The following NRXN1 variants were observed in gnomAD, a reference collection of about 807,000 sequenced individuals.
NRXN1 encodes neurexin-1.
A neutral mutation model predicts 150.9 loss-of-function variants in NRXN1; 39 were observed. The ratio of observed to expected loss-of-function variants is 0.26; its 90% CI spans 0.20 to 0.34. NRXN1 has a LOEUF of 0.34. Ranked by LOEUF, NRXN1 falls within the 10% of genes least tolerant of loss-of-function variation. NRXN1 has a pLI of 1.00. For synonymous variants in NRXN1, 924 were observed against 757.0 expected, an observed-to-expected ratio of 1.22 and a Z score of -3.62; for missense variants, 1,815 against 1,949.9, an observed-to-expected ratio of 0.93 and a Z score of 1.30.
At chr2:50,501,077 G>T (rs999848434) in intron 13 of NRXN1, among the ~76,000 whole-genome samples, 2 of 152,108 alleles carry the variant, frequency 1.3e-5, no homozygotes, top group African/African-American at 4.8e-5. Flanking sequence ...GTATTGTGTT[G>T]GTAAATGTGA....
At chr2:50,156,249 A>T (rs903824466) in intron 18 of NRXN1, among the ~76,000 whole-genome samples, 25 of 151,966 alleles carry the variant, frequency 1.6e-4, no homozygotes, top group African/African-American at 5.5e-4. Context: ...GAGTAAAGGG[A>T]TCTCTCTCTA....
intron 2 of NRXN1, among the ~76,000 whole-genome samples, chr2:51,021,357 T>C (rs527958208): frequency 9.2e-5 from 14 of 152,064 alleles, no homozygotes; most frequent in African/African-American, 1.2e-4. Context: ...GGAAGGAGTA[T>C]AGAATGTGGT....
intron 19 of NRXN1, among the ~76,000 whole-genome samples, chr2:50,069,323 G>A (rs1371017366): frequency 6.6e-6 from 1 of 152,124 alleles, no homozygotes; most frequent in African/African-American, 2.4e-5. Context: ...AATGAGATTT[G>A]GGGACTGGAT....
At chr2:49,936,035 AT>A (rs1256016426) in intron 22 of NRXN1, among the ~76,000 whole-genome samples, 2 of 152,180 alleles carry the variant, frequency 1.3e-5, no homozygotes, top group Middle Eastern at 3.2e-3. Flanking sequence ...TGTGAAACCG[AT>A]TATTAATGCT....
At chr2:50,605,697 T>C (rs10183349) in intron 8 of NRXN1, among the ~76,000 whole-genome samples, 42,570 of 152,048 alleles carry the variant, frequency 0.28, 6,836 homozygotes, top group East Asian at 0.46. Context: ...TTAGTGAACA[T>C]GCAAAATGGT....
At chr2:50,993,377 A>G (rs1384793929) in intron 2 of NRXN1, among the ~76,000 whole-genome samples, 1 of 151,924 alleles carries the variant, frequency 6.6e-6, no homozygotes, top group Non-Finnish European at 1.5e-5. Context: ...TGAAAATTAT[A>G]GTACTTTTTT....
intron 5 of NRXN1, among the ~76,000 whole-genome samples, chr2:50,883,704 C>T (rs1679799858): frequency 6.6e-6 from 1 of 151,736 alleles, no homozygotes; most frequent in South Asian, 2.1e-4. Context: ...TATGATTACT[C>T]ACTGTTAGTA....
At chr2:50,829,092 G>T (rs1443175983) in intron 5 of NRXN1, among the ~76,000 whole-genome samples, 1 of 152,046 alleles carries the variant, frequency 6.6e-6, no homozygotes, top group Non-Finnish European at 1.5e-5. Flanking sequence ...AGTCAGGCGT[G>T]GTGGCACGTG....
chr2:50,103,433 T>C (rs1408204202), intron 18 of NRXN1, among the ~76,000 whole-genome samples: 1 of 152,030 alleles, frequency 6.6e-6, no homozygotes, highest in Non-Finnish European at 1.5e-5. Flanking sequence ...CCTTGACCCT[T>C]TCACCTTCCT....
intron 18 of NRXN1, among the ~76,000 whole-genome samples, chr2:50,202,748 CAACA>C (rs2062271549): frequency 6.6e-6 from 1 of 152,008 alleles, no homozygotes; most frequent in African/African-American, 2.4e-5. Context: ...CAAATAGCTT[CAACA>C]TTTATAGTAA....
chr2:50,816,179 A>G (rs1431826061), intron 5 of NRXN1, among the ~76,000 whole-genome samples: 1 of 152,104 alleles, frequency 6.6e-6, no homozygotes, highest in Non-Finnish European at 1.5e-5. Flanking sequence ...TAATGAGTCA[A>G]AGTCATATTA....
chr2:49,923,477 C>G (rs1328832627), intron 22 of NRXN1, among the ~76,000 whole-genome samples: 1 of 152,068 alleles, frequency 6.6e-6, no homozygotes, highest in Non-Finnish European at 1.5e-5. Flanking sequence ...TCTCATGATT[C>G]CATATATATT....
intron 19 of NRXN1, among the ~76,000 whole-genome samples, chr2:50,082,046 C>G (rs1698050351): frequency 6.6e-6 from 1 of 152,154 alleles, no homozygotes; most frequent in African/African-American, 2.4e-5. Flanking sequence ...AAACCTAATA[C>G]TCTTTAATAT....
intron 5 of NRXN1, among the ~76,000 whole-genome samples, chr2:50,813,188 G>A (rs1266845144): frequency 1.3e-5 from 2 of 148,372 alleles, no homozygotes; most frequent in African/African-American, 4.9e-5. Context: ...GCAACACCTT[G>A]TCTCAAAAAA....
chr2:50,823,651 C>G (rs1432161796), intron 5 of NRXN1, among the ~76,000 whole-genome samples: 1 of 152,044 alleles, frequency 6.6e-6, no homozygotes, highest in African/African-American at 2.4e-5. Context: ...ATTAAGTACG[C>G]CAAATTGTTT....
intron 17 of NRXN1, among the ~76,000 whole-genome samples, chr2:50,288,262 G>C (rs918680232): frequency 5.9e-5 from 9 of 152,040 alleles, no homozygotes; most frequent in Non-Finnish European, 1.2e-4. Flanking sequence ...ACGATGTTGA[G>C]AGATAGTTTT....
intron 21 of NRXN1, among the ~76,000 whole-genome samples, chr2:50,001,594 C>T (rs942823378): frequency 6.6e-6 from 1 of 152,056 alleles, no homozygotes; most frequent in Non-Finnish European, 1.5e-5. Context: ...AACTTAAATG[C>T]TCTCTGCCTC....
intron 21 of NRXN1, among the ~76,000 whole-genome samples, chr2:50,005,460 T>G (rs1684606884): frequency 6.6e-6 from 1 of 152,146 alleles, no homozygotes; most frequent in Non-Finnish European, 1.5e-5. Flanking sequence ...AGGCCAATAA[T>G]AGCATTACCA....
At chr2:50,859,192 T>C (rs1675726795) in intron 5 of NRXN1, among the ~76,000 whole-genome samples, 1 of 151,894 alleles carries the variant, frequency 6.6e-6, no homozygotes, top group South Asian at 2.1e-4. Context: ...ATTACCTGGC[T>C]CTGGGTCCAG....
Sources: allele counts gnomAD v4.1 joint callset (sites outside exome capture counted in the v4.1 genomes callset), GRCh38; gene constraint gnomAD v4.1.1; transcripts MANE v1.5; gene names NCBI Gene and HGNC (gene_info 2026-07-23, HGNC 2026-07-21).